C1orf50: variants seen among roughly 807,000 people sequenced by gnomAD.
C1orf50 encodes the protein uncharacterized protein C1orf50.
C1orf50 carries 22 observed loss-of-function variants against 23.3 expected under a neutral mutation model. The ratio of observed to expected loss-of-function variants is 0.94; its 90% CI spans 0.67 to 1.35. C1orf50 has a LOEUF of 1.35. C1orf50 is among the 40% of genes most tolerant of loss of function. The pLI, the probability that C1orf50 is intolerant of heterozygous loss-of-function variation, is 0.00. For synonymous variants in C1orf50, 96 were observed against 102.4 expected (o/e 0.94, Z 0.38); for missense variants, 271 against 249.4 (o/e 1.09, Z -0.58).
rs1039436091 is a variant in C1orf50, at chr1:42,779,389, AAAAG to A, written c.*3998_*4001del. On this transcript the variant is annotated 3_prime_UTR_variant, in exon 5 of 5. Coordinates refer to ENST00000372525, the MANE Select transcript of C1orf50 (RefSeq NM_024097.4). Reference sequence around the variant, plus strand: ...AAGACTCCATCTCAAAAAAAAAAAAAAAAGAATCATAACATAGCATCTTACATTT... The same window carrying A: ...AAGACTCCATCTCAAAAAAAAAAAAAAATCATAACATAGCATCTTACATTT... 6.6e-6 allele frequency: 1 copy of A among 152,066 alleles called. No homozygotes were observed. The highest frequency in any genetic ancestry group is 1.5e-5 in the Non-Finnish European group (1 of 68,016). 9.4% of individuals were successfully genotyped at this position (152,066 alleles called of 1,614,324 possible).
intron 4 of C1orf50, 152 bp from the exon 5 acceptor site, chr1:42,775,057 A>G: frequency 1.0e-6 from 1 of 959,922 alleles, no homozygotes; most frequent in Admixed American, 2.7e-5. Flanking sequence ...TCATTAAGGG[A>G]GGGATCTGAT....
intron 2 of C1orf50, among the ~76,000 whole-genome samples, chr1:42,770,850 G>T (rs1653202205): frequency 6.6e-6 from 1 of 152,084 alleles, no homozygotes; most frequent in African/African-American, 2.4e-5. Context: ...CTACTCTTCA[G>T]CTGCACTGGC....
In C1orf50 at chr1:42,777,881, TG is replaced by T. The variant is rs1653371429; in HGVS notation, c.*2488del. 1 of 152,152 alleles carries T rather than the reference TG, an allele frequency of 6.6e-6. No homozygotes were observed. Among genetic ancestry groups the T allele is most frequent in the Admixed American group, 6.6e-5 (1 of 15,262 alleles). The allele number at this position is 152,152 out of a possible 1,614,324, so 9.4% of individuals were successfully genotyped here. ...CAGCTGGCATCCCTGCTTCCCCCTC[TG>T]TCCCCTCTCCAATCCATTCTGCATG... On this transcript the variant is annotated 3_prime_UTR_variant, in exon 5 of 5. Transcript: ENST00000372525.
chr1:42,773,344 A>G (rs978858078), intron 2 of C1orf50: 14 of 417,654 alleles, frequency 3.4e-5, no homozygotes, highest in Non-Finnish European at 6.2e-5. Context: ...AGAAGAGAGC[A>G]CTTAACTCTG....
rs770672880 is a variant in C1orf50, at chr1:42,774,783, G to T, written c.329G>T (p.Cys110Phe). Residue 110 changes from cysteine (C) to phenylalanine (F), a missense_variant, in exon 4 of 5, where the codon TGT (cysteine) becomes TTT (phenylalanine). Physicochemically the swap from Cys to Phe is radical, Grantham distance 205. Transcript: ENST00000372525. Reference sequence around the variant, plus strand: ...GATGCCAACCTGCACCATGTAGCTTGTAATATAGTGAAAAAACCTGGCAAC... The same window carrying T: ...GATGCCAACCTGCACCATGTAGCTTTTAATATAGTGAAAAAACCTGGCAAC... ...HRDANLHHVA[C>F]NIVKKPGNIY... 1.1e-5 allele frequency: 18 copies of T among 1,613,892 alleles called. No homozygotes were observed. Among genetic ancestry groups the T allele is most frequent in the Non-Finnish European group, 1.5e-5 (18 of 1,179,924 alleles).
chr1:42,772,326 GT>G (rs1193490018), intron 2 of C1orf50, among the ~76,000 whole-genome samples: 2 of 152,170 alleles, frequency 1.3e-5, no homozygotes, highest in African/African-American at 4.8e-5. Flanking sequence ...TCAGGTTCTA[GT>G]TTAATCTCCT....
intron 3 of C1orf50, among the ~76,000 whole-genome samples, chr1:42,774,160 A>G (rs1211893675): frequency 6.6e-6 from 1 of 152,190 alleles, no homozygotes; most frequent in Non-Finnish European, 1.5e-5. Context: ...TATAAAAGAA[A>G]TGTACTTAGC....
Position 42,776,340 on chromosome 1 carries a change from T to C in C1orf50, c.*946T>C, listed in dbSNP as rs906447729. On this transcript the variant is annotated 3_prime_UTR_variant, in exon 5 of 5. Transcript: ENST00000372525. Reference sequence around the variant, plus strand: ...CTTAACAGGGTTTTGGCAAAATTACTGTAGTTCTTATTCTGACTAGGCTCT... The same window carrying C: ...CTTAACAGGGTTTTGGCAAAATTACCGTAGTTCTTATTCTGACTAGGCTCT... The C allele has an allele frequency of 1.3e-5, 2 of 152,260 alleles. No individual in the cohort carries two copies. The highest frequency in any genetic ancestry group is 4.8e-5 in the African/African-American group (2 of 41,470). 9.4% of individuals were successfully genotyped at this position (152,260 alleles called of 1,614,324 possible). A position where few individuals can be genotyped will look rare whatever the true frequency, so the allele number is the denominator to read the frequency against.
rs1433130363 is a variant in C1orf50, at chr1:42,777,714, A to G, written c.*2320A>G. 6.6e-6 allele frequency: 1 copy of G among 152,224 alleles called. No individual in the cohort carries two copies. The highest frequency in any genetic ancestry group is 2.4e-5 in the African/African-American group (1 of 41,458). 9.4% of individuals were successfully genotyped at this position (152,224 alleles called of 1,614,324 possible). A position where few individuals can be genotyped will look rare whatever the true frequency, so the allele number is the denominator to read the frequency against. On this transcript the variant is annotated 3_prime_UTR_variant, in exon 5 of 5. Transcript: ENST00000372525. ...ATCATTGAATCATTGAACAGATCCT[A>G]GAATCTATCTGCCACAGTGCTCAGT...
rs1653394611 is a variant in C1orf50, at chr1:42,779,015, G to C, written c.*3621G>C. 2 of 123,568 alleles carry C rather than the reference G, an allele frequency of 1.6e-5. No homozygotes were observed. Among genetic ancestry groups the C allele is most frequent in the South Asian group, 5.2e-4 (2 of 3,874 alleles). 7.7% of individuals were successfully genotyped at this position (123,568 alleles called of 1,614,324 possible). A position where few individuals can be genotyped will look rare whatever the true frequency, so the allele number is the denominator to read the frequency against. ...CCACATTTTGGTGTCTGTCAAACTTGGACACTTCTAAAAGTCAATGGCATG... is the reference window on the plus strand; with the variant it reads ...CCACATTTTGGTGTCTGTCAAACTTCGACACTTCTAAAAGTCAATGGCATG... On this transcript the variant is annotated 3_prime_UTR_variant, in exon 5 of 5. Coordinates refer to ENST00000372525, the MANE Select transcript of C1orf50 (RefSeq NM_024097.4).
At position 42,774,619 on chromosome 1, in the gene C1orf50, C is replaced by A. The variant is rs1653295362; in HGVS notation, c.283-118C>A. 5.4e-6 allele frequency: 6 copies of A among 1,113,442 alleles called. No homozygotes were observed. The East Asian group carries it at 9.5e-5, about 18-fold the overall frequency. 69.0% of individuals were successfully genotyped at this position (1,113,442 alleles called of 1,614,324 possible). The stretch of plus-strand genomic sequence containing the variant: ...TCTGGATCTCAGAAGTGATTCATTG[C>A]TATGGGGGAGCAAGATCCTAAGCAC... On this transcript the variant is annotated intron_variant, in intron 3 of 4. Coordinates refer to ENST00000372525, the MANE Select transcript of C1orf50 (RefSeq NM_024097.4).
intron 2 of C1orf50, among the ~76,000 whole-genome samples, chr1:42,768,383 G>A (rs137993074): frequency 3.3e-5 from 5 of 152,284 alleles, no homozygotes; most frequent in Non-Finnish European, 4.4e-5. Flanking sequence ...CCTCTTCAGT[G>A]TCCACAGATG....
At position 42,775,399 on chromosome 1, in the gene C1orf50, G is replaced by C; in HGVS notation, c.*5G>C. 1 of 1,574,344 alleles carries C rather than the reference G, an allele frequency of 6.4e-7. No individual in the cohort carries two copies. The highest frequency in any genetic ancestry group is 8.7e-7 in the Non-Finnish European group (1 of 1,149,154). On this transcript the variant is annotated 3_prime_UTR_variant, in exon 5 of 5. Transcript: ENST00000372525. ...TTCCAGGGACTGACTCACTGAGAGT[G>C]GGCTTTGACAAACAGCTCTCACAGG...
intron 2 of C1orf50, among the ~76,000 whole-genome samples, chr1:42,772,565 G>T (rs1653244961): frequency 6.6e-6 from 1 of 152,162 alleles, no homozygotes; most frequent in Non-Finnish European, 1.5e-5. Context: ...CGGATCACCT[G>T]AGGTCAGAAG....
chr1:42,771,435 T>C (rs80098644), intron 2 of C1orf50, among the ~76,000 whole-genome samples: 280 of 152,344 alleles, frequency 1.8e-3, no homozygotes, highest in African/African-American at 6.5e-3. Flanking sequence ...TTTTCACATA[T>C]AAATTTTATT....
At chr1:42,773,365 T>A in intron 2 of C1orf50, 198 bp from the exon 3 acceptor site, 1 of 452,396 alleles carries the variant, frequency 2.2e-6, no homozygotes. Flanking sequence ...TGGCGTGGAG[T>A]CATGTCAGGG....
chr1:42,778,250 G>A lies in C1orf50; in HGVS notation c.*2856G>A, dbSNP rs1369049184. The stretch of plus-strand genomic sequence containing the variant: ...TGCCTTCTAGGTTCCAGGTTCTGGT[G>A]AATAATGGAGCTGAATAAGAAATCA... On this transcript the variant is annotated 3_prime_UTR_variant, in exon 5 of 5. Coordinates refer to ENST00000372525, the MANE Select transcript of C1orf50 (RefSeq NM_024097.4). 2.0e-5 allele frequency: 3 copies of A among 152,180 alleles called. No homozygotes were observed. The highest frequency in any genetic ancestry group is 4.4e-5 in the Non-Finnish European group (3 of 68,046). The allele number at this position is 152,180 out of a possible 1,614,324, so 9.4% of individuals were successfully genotyped here.
At position 42,773,594 on chromosome 1, in the gene C1orf50, A is replaced by C. The variant is rs752437975; in HGVS notation, c.227A>C (p.Asn76Thr). 3.1e-6 allele frequency: 5 copies of C among 1,613,312 alleles called. No individual in the cohort carries two copies. The highest frequency in any genetic ancestry group is 4.2e-6 in the Non-Finnish European group (5 of 1,179,380). The part of the protein sequence containing the change: ...ADEFIRANAT[N>T]KLTVIAEQIQ... ...GAATTCATCCGAGCAAATGCCACCA[A>C]CAAGCTGACAGTCATAGCTGAGCAA... Residue 76 changes from asparagine (N) to threonine (T), a missense_variant, in exon 3 of 5, where the codon AAC (asparagine) becomes ACC (threonine). Asn to Thr is a moderately conservative substitution (Grantham distance 65). Coordinates refer to ENST00000372525, the MANE Select transcript of C1orf50 (RefSeq NM_024097.4).
intron 2 of C1orf50, among the ~76,000 whole-genome samples, chr1:42,770,435 CTTT>C (rs751331051): frequency 2.8e-5 from 4 of 142,222 alleles, no homozygotes; most frequent in Non-Finnish European, 3.1e-5. Flanking sequence ...TTCTTTCTTT[CTTT>C]TTTTTTTTTT....
Sources: allele counts gnomAD v4.1 joint callset (sites outside exome capture counted in the v4.1 genomes callset), GRCh38; gene constraint gnomAD v4.1.1; transcripts MANE v1.5; gene names NCBI Gene and HGNC (gene_info 2026-07-23, HGNC 2026-07-21).